The following STX3 variants were observed in gnomAD, a reference collection of about 807,000 sequenced individuals.
STX3 encodes the protein syntaxin-3.
A neutral mutation model predicts 40.2 loss-of-function variants in STX3; 19 were observed. The ratio of observed to expected loss-of-function variants is 0.47; its 90% CI spans 0.33 to 0.69. STX3 has a LOEUF of 0.69. STX3 is among the 30% of genes least tolerant of loss of function. The pLI is 0.02. For synonymous variants in STX3, 122 were observed against 132.2 expected (o/e 0.92, Z 0.53); for missense variants, 364 against 366.7 (o/e 0.99, Z 0.06).
intron 2 of STX3, among the ~76,000 whole-genome samples, chr11:59,779,360 G>C (rs1487705116): frequency 1.3e-5 from 2 of 152,166 alleles, no homozygotes; most frequent in African/African-American, 4.8e-5. Flanking sequence ...GAGCAAGCTA[G>C]CTCTTTGGCC....
At chr11:59,792,975 T>G in intron 6 of STX3, 124 bp from the exon 7 acceptor site, 1 of 844,678 alleles carries the variant, frequency 1.2e-6, no homozygotes, top group Non-Finnish European at 1.9e-6. Context: ...CAGGAGGCAA[T>G]TGGGGGAGTG....
Position 59,787,098 on chromosome 11 carries a change from T to G in STX3, c.176T>G (p.Leu59Arg). 1 of 1,614,166 alleles carries G rather than the reference T, an allele frequency of 6.2e-7. No homozygotes were observed. The highest frequency in any genetic ancestry group is 1.1e-5 in the South Asian group (1 of 91,072). ...ISEHVEEAKK[L>R]YSIILSAPIP... ...GAACATGTAGAGGAGGCTAAGAAAC[T>G]CTACAGTATCATTCTCTCTGCACCG... Residue 59 changes from leucine to arginine, a missense_variant, in exon 3 of 11, where the codon CTC (leucine) becomes CGC (arginine). Physicochemically the swap from Leu to Arg is moderately radical, Grantham distance 102. Transcript: ENST00000337979.
chr11:59,790,671 A>G lies in STX3; in HGVS notation c.357+85A>G, dbSNP rs982425752. The G allele has an allele frequency of 2.2e-5, 22 of 983,826 alleles. No individual in the cohort carries two copies. The African/African-American group carries it at 3.3e-4, about 15-fold the overall frequency. The allele number at this position is 983,826 out of a possible 1,614,324, so 60.9% of individuals were successfully genotyped here. A position where few individuals can be genotyped will look rare whatever the true frequency, so the allele number is the denominator to read the frequency against. Reference sequence around the variant, plus strand: ...TGTGGAGGGATTTTTTTTTTTTAATACAATCCTTATTTTGAAACTCAATTT... The same window carrying G: ...TGTGGAGGGATTTTTTTTTTTTAATGCAATCCTTATTTTGAAACTCAATTT... On this transcript the variant is annotated intron_variant, in intron 5 of 10. Coordinates refer to ENST00000337979, the MANE Select transcript of STX3 (RefSeq NM_004177.5).
At position 59,804,622 on chromosome 11, in the gene STX3, T is replaced by G. The variant is rs1047629992; in HGVS notation, c.*3798T>G. The G allele has an allele frequency of 2.6e-5, 4 of 152,200 alleles. No individual in the cohort carries two copies. Among genetic ancestry groups the G allele is most frequent in the Non-Finnish European group, 5.9e-5 (4 of 68,044 alleles). The allele number at this position is 152,200 out of a possible 1,614,324, so 9.4% of individuals were successfully genotyped here. On this transcript the variant is annotated 3_prime_UTR_variant, in exon 11 of 11. Transcript: ENST00000337979. ...ACCACAACATGAAAATTTAAAGTGC[T>G]TTTTCTATGGGTGGTGATGGTGGAG...
At chr11:59,756,109 T>TG (rs1480801617) in intron 1 of STX3, among the ~76,000 whole-genome samples, 1 of 152,098 alleles carries the variant, frequency 6.6e-6, no homozygotes, top group Non-Finnish European at 1.5e-5. Flanking sequence ...CATGCTGGGA[T>TG]GGGTCAGCTC....
At chr11:59,772,261 G>A (rs1289055549) in intron 1 of STX3, among the ~76,000 whole-genome samples, 1 of 152,234 alleles carries the variant, frequency 6.6e-6, no homozygotes, top group African/African-American at 2.4e-5. Context: ...TTAGAAATCA[G>A]CAATGTGCTG....
At chr11:59,755,838 A>G (rs1266787695) in intron 1 of STX3, among the ~76,000 whole-genome samples, 1 of 152,148 alleles carries the variant, frequency 6.6e-6, no homozygotes, top group South Asian at 2.1e-4. Context: ...TCGCTAGGCA[A>G]TGATTTTCCT....
chr11:59,795,584 T>C, intron 9 of STX3, 102 bp downstream of exon 9: 2 of 1,545,086 alleles, frequency 1.3e-6, no homozygotes, highest in South Asian at 2.4e-5. Flanking sequence ...TGCCACCACC[T>C]CTTGCATCTG....
At chr11:59,762,099 A>G (rs1863068818) in intron 1 of STX3, among the ~76,000 whole-genome samples, 1 of 152,190 alleles carries the variant, frequency 6.6e-6, no homozygotes, top group South Asian at 2.1e-4. Flanking sequence ...CGGTTGTCAC[A>G]TCTCCTTAGC....
chr11:59,788,901 G>T lies in STX3; in HGVS notation c.243G>T (p.Thr81=). 2 of 1,612,440 alleles carry T rather than the reference G, an allele frequency of 1.2e-6. No homozygotes were observed. Among genetic ancestry groups the T allele is most frequent in the South Asian group, 2.2e-5 (2 of 90,718 alleles). The change falls in exon 4 of 11, where the codon ACG becomes ACT. Residue 81 remains threonine (T), a synonymous_variant. Transcript: ENST00000337979. ...PKTKDDLEQL[T]TEIKKRANNV... ...CCAAGGATGACCTAGAGCAGCTCAC[G>T]ACTGAGATTAAGAAAAGGGCCAACA...
chr11:59,766,256 C>G (rs1315535152), intron 1 of STX3, among the ~76,000 whole-genome samples: 1 of 152,172 alleles, frequency 6.6e-6, no homozygotes, highest in African/African-American at 2.4e-5. Flanking sequence ...TGTAAACATT[C>G]TTAAGGAGAT....
intron 2 of STX3, among the ~76,000 whole-genome samples, chr11:59,774,112 C>T (rs1338450703): frequency 1.3e-5 from 2 of 151,922 alleles, no homozygotes; most frequent in African/African-American, 4.8e-5. Context: ...GATCCATGTA[C>T]TCTGATCTTA....
chr11:59,796,174 T>C (rs1565191686), intron 9 of STX3, among the ~76,000 whole-genome samples: 1 of 152,222 alleles, frequency 6.6e-6, no homozygotes, highest in Non-Finnish European at 1.5e-5. Context: ...ACCTGTTATT[T>C]CTACTTTATA....
intron 1 of STX3, among the ~76,000 whole-genome samples, chr11:59,766,989 T>C (rs1333859898): frequency 1.3e-5 from 2 of 152,178 alleles, no homozygotes; most frequent in Non-Finnish European, 2.9e-5. Flanking sequence ...TTATATGAGC[T>C]AATGAAGAGA....
At chr11:59,758,113 G>T (rs2134848859) in intron 1 of STX3, among the ~76,000 whole-genome samples, 1 of 152,280 alleles carries the variant, frequency 6.6e-6, no homozygotes, top group South Asian at 2.1e-4. Flanking sequence ...GCCTGTGATT[G>T]ACTTTGTTCT....
rs1266934343 is a variant in STX3 at position 59,805,220 on chromosome 11, T to C, written c.*4396T>C. ...AAAAAAAAAAACTGTTCTTAATACTTAATACTGTCCCCAATTCCATTCAAG... is the reference window on the plus strand; with the variant it reads ...AAAAAAAAAAACTGTTCTTAATACTCAATACTGTCCCCAATTCCATTCAAG... On this transcript the variant is annotated 3_prime_UTR_variant, in exon 11 of 11. Transcript: ENST00000337979. 1 of 150,272 alleles carries C rather than the reference T, an allele frequency of 6.7e-6. No individual in the cohort carries two copies. 9.3% of individuals were successfully genotyped at this position (150,272 alleles called of 1,614,324 possible). A position where few individuals can be genotyped will look rare whatever the true frequency, so the allele number is the denominator to read the frequency against.
intron 2 of STX3, among the ~76,000 whole-genome samples, chr11:59,781,983 A>G (rs1056275144): frequency 1.3e-5 from 2 of 152,232 alleles, no homozygotes; most frequent in African/African-American, 4.8e-5. Flanking sequence ...GGTACAAGGT[A>G]CCTGGGAGTT....
chr11:59,790,134 T>G (rs1865032842), intron 4 of STX3, among the ~76,000 whole-genome samples: 1 of 152,224 alleles, frequency 6.6e-6, no homozygotes, highest in Admixed American at 6.5e-5. Context: ...GCTAGGCACT[T>G]TATGTGTCTT....
At chr11:59,781,766 TAAAGC>T (rs1565178088) in intron 2 of STX3, 2 of 1,543,770 alleles carry the variant, frequency 1.3e-6, no homozygotes, top group Non-Finnish European at 1.8e-6. Flanking sequence ...ATTTGTTTTC[TAAAGC>T]AAAGAAGCAA....
Sources: allele counts gnomAD v4.1 joint callset (sites outside exome capture counted in the v4.1 genomes callset), GRCh38; gene constraint gnomAD v4.1.1; transcripts MANE v1.5; gene names NCBI Gene and HGNC (gene_info 2026-07-23, HGNC 2026-07-21).